Variants in ACOXL observed in about 807,000 individuals in gnomAD.
ACOXL encodes the protein acyl-CoA oxidase like.
In ACOXL, 70 loss-of-function variants were observed where a neutral mutation model predicts 71.9. That is an observed-to-expected ratio of 0.97 (90% CI 0.80 to 1.19). ACOXL has a LOEUF of 1.19. Among genes scored for constraint, ACOXL ranks in the 50% most tolerant of loss-of-function variants. The probability of loss-of-function intolerance (pLI) is 0.00; values close to 1 mark genes in which losing one functional copy is unlikely to be tolerated. For synonymous variants in ACOXL, 253 were observed against 281.6 expected (o/e 0.90, Z 1.02); for missense variants, 703 against 736.3 (o/e 0.95, Z 0.52).
At chr2:110,747,457 G>T (rs1678368894) in intron 1 of ACOXL, among the ~76,000 whole-genome samples, 1 of 152,238 alleles carries the variant, frequency 6.6e-6, no homozygotes, top group African/African-American at 2.4e-5. Flanking sequence ...GTGTTTAACA[G>T]CTGGGGCTGC....
intron 1 of ACOXL, among the ~76,000 whole-genome samples, chr2:110,736,945 T>C (rs1002481532): frequency 6.6e-6 from 1 of 152,204 alleles, no homozygotes; most frequent in Non-Finnish European, 1.5e-5. Context: ...CTTGTATCTG[T>C]TGATAGACAT....
chr2:110,761,875 A>C (rs1036173141), intron 1 of ACOXL, among the ~76,000 whole-genome samples: 1 of 152,186 alleles, frequency 6.6e-6, no homozygotes, highest in Non-Finnish European at 1.5e-5. Flanking sequence ...GAGTTTCCCT[A>C]TATCTTATAG....
intron 10 of ACOXL, among the ~76,000 whole-genome samples, chr2:110,905,563 CATA>C (rs985354467): frequency 6.6e-6 from 1 of 152,036 alleles, no homozygotes; most frequent in Admixed American, 6.6e-5. Context: ...AGTTACAGAA[CATA>C]ATTAACAAAT....
At chr2:110,885,014 G>T (rs1156492010) in intron 10 of ACOXL, among the ~76,000 whole-genome samples, 3 of 152,194 alleles carry the variant, frequency 2.0e-5, no homozygotes, top group African/African-American at 7.2e-5. Flanking sequence ...AGAAGCCATG[G>T]AAGTTACTGA....
intron 16 of ACOXL, among the ~76,000 whole-genome samples, chr2:111,077,096 A>G (rs768344844): frequency 1.3e-5 from 2 of 152,204 alleles, no homozygotes; most frequent in Non-Finnish European, 2.9e-5. Flanking sequence ...AGGAATTAGG[A>G]TCTGAAATTA....
In ACOXL at chr2:110,874,724, C is replaced by T. The variant is rs1376857168; in HGVS notation, c.788+33319C>T. Among the ~76,000 whole-genome samples, 6 of 152,240 alleles carry T rather than the reference C, an allele frequency of 3.9e-5. 1 individual carries two copies. The South Asian group carries it at 6.2e-4, about 16-fold the overall frequency. Reference sequence around the variant, plus strand: ...ACAAGTTAGAGCAGAGCAGAGCTCACGGTGGAGGCCGTGAGGGCTGTGCTG... The same window carrying T: ...ACAAGTTAGAGCAGAGCAGAGCTCATGGTGGAGGCCGTGAGGGCTGTGCTG... On this transcript the variant is annotated intron_variant, in intron 10 of 17. Transcript: ENST00000439055.
chr2:110,858,694 A>G (rs572796257), intron 10 of ACOXL, among the ~76,000 whole-genome samples: 1 of 152,358 alleles, frequency 6.6e-6, no homozygotes, highest in South Asian at 2.1e-4. Flanking sequence ...TGCGTTGCAA[A>G]CACATGTACT....
At chr2:110,737,853 C>T (rs1477937356) in intron 1 of ACOXL, among the ~76,000 whole-genome samples, 1 of 152,210 alleles carries the variant, frequency 6.6e-6, no homozygotes, top group Non-Finnish European at 1.5e-5. Context: ...ACTGTTTTCC[C>T]AGGCTTTCTC....
intron 16 of ACOXL, among the ~76,000 whole-genome samples, chr2:111,063,932 C>T (rs549207432): frequency 3.3e-5 from 5 of 151,696 alleles, no homozygotes; most frequent in South Asian, 2.1e-4. Context: ...AAGAAATGAA[C>T]GAAAGAGAGA....
At chr2:110,781,947 G>A (rs1683394612) in intron 2 of ACOXL, among the ~76,000 whole-genome samples, 1 of 152,148 alleles carries the variant, frequency 6.6e-6, no homozygotes, top group Admixed American at 6.5e-5. Context: ...GTTACATCAA[G>A]TGCTCTACAA....
intron 16 of ACOXL, among the ~76,000 whole-genome samples, chr2:111,061,265 A>G (rs143455992): frequency 1.2e-3 from 187 of 152,330 alleles, no homozygotes; most frequent in African/African-American, 4.3e-3. Context: ...CTTAAAAGCA[A>G]TGAGAGAAAC....
chr2:110,872,251 A>G (rs987337671), intron 10 of ACOXL, among the ~76,000 whole-genome samples: 5 of 152,136 alleles, frequency 3.3e-5, no homozygotes, highest in Non-Finnish European at 7.4e-5. Flanking sequence ...GTGTAGGATC[A>G]TTTGTTCTGC....
chr2:110,740,214 G>A (rs1677346687), intron 1 of ACOXL, among the ~76,000 whole-genome samples: 1 of 152,210 alleles, frequency 6.6e-6, no homozygotes, highest in South Asian at 2.1e-4. Context: ...TATCTGCATG[G>A]AAAACGCTGA....
intron 11 of ACOXL, among the ~76,000 whole-genome samples, chr2:110,909,405 G>C (rs572668062): frequency 6.6e-6 from 1 of 152,170 alleles, no homozygotes; most frequent in South Asian, 2.1e-4. Flanking sequence ...TTTCATTTCT[G>C]CCTCTCAGCT....
At chr2:111,073,287 T>C (rs1407195466) in intron 16 of ACOXL, among the ~76,000 whole-genome samples, 1 of 150,770 alleles carries the variant, frequency 6.6e-6, no homozygotes, top group Non-Finnish European at 1.5e-5. Flanking sequence ...ATTTTTCTCT[T>C]TCATGAGTTA....
At chr2:110,823,821 T>G (rs1400018876) in intron 9 of ACOXL, among the ~76,000 whole-genome samples, 1 of 152,236 alleles carries the variant, frequency 6.6e-6, no homozygotes, top group East Asian at 1.9e-4. Context: ...GTTGAGTTGC[T>G]TGTTTTCTTA....
At chr2:110,932,484 GTATC>G (rs1439476024) in intron 11 of ACOXL, among the ~76,000 whole-genome samples, 3 of 152,142 alleles carry the variant, frequency 2.0e-5, no homozygotes, top group Non-Finnish European at 4.4e-5. Context: ...CAGAAGATCT[GTATC>G]TATATTTTAT....
chr2:110,915,114 T>C (rs1255445265), intron 11 of ACOXL, among the ~76,000 whole-genome samples: 1 of 152,012 alleles, frequency 6.6e-6, no homozygotes, highest in Non-Finnish European at 1.5e-5. Context: ...TTAACTATTT[T>C]TGTTGTTGTT....
At chr2:110,827,103 A>G (rs1456853209) in intron 9 of ACOXL, among the ~76,000 whole-genome samples, 2 of 152,218 alleles carry the variant, frequency 1.3e-5, no homozygotes, top group African/African-American at 4.8e-5. Context: ...AATGAAAGAA[A>G]TACAAACCTG....
Sources: allele counts gnomAD v4.1 joint callset (sites outside exome capture counted in the v4.1 genomes callset), GRCh38; gene constraint gnomAD v4.1.1; transcripts MANE v1.5; gene names NCBI Gene and HGNC (gene_info 2026-07-23, HGNC 2026-07-21).